ZNF302: variants seen among roughly 807,000 people sequenced by gnomAD.
ZNF302 encodes the protein zinc finger protein 302, also known as zinc finger protein 327.
ZNF302 carries 12 observed loss-of-function variants against 10.8 expected under a neutral mutation model. The observed-to-expected ratio is 1.11, with a 90% CI of 0.71 to 1.79. ZNF302 has a LOEUF of 1.79. Ranked by LOEUF, ZNF302 falls within the 40% of genes most tolerant of loss-of-function variation. The probability of loss-of-function intolerance (pLI) is 0.00; values close to 1 mark genes in which losing one functional copy is unlikely to be tolerated. For synonymous variants in ZNF302, 178 were observed against 157.5 expected (o/e 1.13, Z -0.98); for missense variants, 461 against 471.1 (o/e 0.98, Z 0.20).
chr19:34,679,952 G>A, intron 2 of ZNF302: 1 of 702,934 alleles, frequency 1.4e-6, no homozygotes, highest in East Asian at 2.7e-5. Context: ...GCTTGCACAG[G>A]AGGGGATGTA....
rs1404472717 is a variant in ZNF302 at position 34,686,013 on chromosome 19, A to G, written c.*776A>G. ...GTTCCAAGTGCATCCCTTATTCTAT[A>G]GGAAATAAACTGGAGACAAATCTCA... On this transcript the variant is annotated 3_prime_UTR_variant, in exon 5 of 5. Transcript: ENST00000505242. 6.5e-6 allele frequency: 1 copy of G among 154,930 alleles called. No homozygotes were observed. The allele number at this position is 154,930 out of a possible 1,614,324, so 9.6% of individuals were successfully genotyped here. A position where few individuals can be genotyped will look rare whatever the true frequency, so the allele number is the denominator to read the frequency against.
In ZNF302 at chr19:34,684,734, G is replaced by T; in HGVS notation, c.697G>T (p.Glu233Ter). ...AGGAGAGAAGCCCTATGAATGTCGT[G>T]AATGTGGGAAGACTTTTAGCCATGG... ...HTGEKPYECR[E>*]CGKTFSHGSS... is the part of the protein sequence containing the mutation. Residue 233 changes from glutamate to a stop codon, truncating the protein, a stop_gained, in exon 5 of 5, where the codon GAA becomes TAA. Coordinates refer to ENST00000505242, the MANE Select transcript of ZNF302 (RefSeq NM_001289187.2). LOFTEE classifies it low-confidence loss of function (END_TRUNC). The T allele has an allele frequency of 6.2e-7, 1 of 1,614,046 alleles. No individual in the cohort carries two copies. Among genetic ancestry groups the T allele is most frequent in the East Asian group, 2.2e-5 (1 of 44,878 alleles).
chr19:34,683,888 A>T, intron 4 of ZNF302: 1 of 998,682 alleles, frequency 1.0e-6, no homozygotes, highest in Non-Finnish European at 1.3e-6. Flanking sequence ...AACCTTTCCC[A>T]CATGAATATA....
At chr19:34,679,984 G>A (rs1456518138) in intron 2 of ZNF302, 1 of 700,900 alleles carries the variant, frequency 1.4e-6, no homozygotes, top group Non-Finnish European at 2.6e-6. Context: ...TACATCTTGG[G>A]TGAAGTCTGT....
chr19:34,684,607 C>G lies in ZNF302; in HGVS notation c.570C>G (p.Thr190=). 1 of 1,614,022 alleles carries G rather than the reference C, an allele frequency of 6.2e-7. No homozygotes were observed. Among genetic ancestry groups the G allele is most frequent in the Non-Finnish European group, 8.5e-7 (1 of 1,179,914 alleles). The part of the protein sequence containing the change: ...GAAFNQSKSL[T]LPQTCNREKI... ...CCTTCAACCAGAGCAAATCTCTTACCCTTCCCCAGACTTGTAATAGAGAGA... is the reference window on the plus strand; with the variant it reads ...CCTTCAACCAGAGCAAATCTCTTACGCTTCCCCAGACTTGTAATAGAGAGA... Residue 190 remains threonine (T), a synonymous_variant, in exon 5 of 5, where the codon ACC becomes ACG. Transcript: ENST00000505242.
Position 34,685,311 on chromosome 19 carries a change from A to G in ZNF302, c.*74A>G. The G allele has an allele frequency of 1.2e-6, 2 of 1,613,990 alleles. No individual in the cohort carries two copies. The highest frequency in any genetic ancestry group is 1.7e-6 in the Non-Finnish European group (2 of 1,179,918). On this transcript the variant is annotated 3_prime_UTR_variant, in exon 5 of 5. Transcript: ENST00000505242. ...AGAAATCACATTAGATTGAAACCCTACGAATGCAGTATATGTGGGAAAGCC... is the reference window on the plus strand; with the variant it reads ...AGAAATCACATTAGATTGAAACCCTGCGAATGCAGTATATGTGGGAAAGCC...
intron 2 of ZNF302, chr19:34,682,176 T>G (rs1332551690): frequency 2.0e-5 from 3 of 152,274 alleles, no homozygotes; most frequent in African/African-American, 7.2e-5. Flanking sequence ...ATTAATCCAT[T>G]CATGAGGGCA....
intron 2 of ZNF302, among the ~76,000 whole-genome samples, 184 bp downstream of exon 2, chr19:34,678,997 G>A (rs990790463): frequency 9.2e-5 from 14 of 152,162 alleles, no homozygotes; most frequent in African/African-American, 3.4e-4. Context: ...ATCACCCAGT[G>A]TTCCTCTTTT....
At chr19:34,683,850 TG>T in intron 4 of ZNF302, 1 of 657,216 alleles carries the variant, frequency 1.5e-6, no homozygotes, top group Non-Finnish European at 2.2e-6. Flanking sequence ...AATGGAAGGT[TG>T]GAAAAAAAGG....
In ZNF302 at chr19:34,678,772, G is replaced by A. The variant is rs372036670; in HGVS notation, c.-33G>A. ...ATCTCTAAGATAAGAACCTGGAAAG[G>A]GGACTCTGTTGGCCATTGGAAATTG... On this transcript the variant is annotated 5_prime_UTR_variant, in exon 2 of 5. Transcript: ENST00000505242. 2.5e-6 allele frequency: 4 copies of A among 1,613,740 alleles called. No individual in the cohort carries two copies. The African/African-American group carries it at 4.0e-5, about 16-fold the overall frequency.
chr19:34,682,645 T>A, intron 2 of ZNF302, 132 bp from the exon 3 acceptor site: 1 of 1,362,278 alleles, frequency 7.3e-7, no homozygotes, highest in Admixed American at 2.4e-5. Flanking sequence ...TTACCTGACA[T>A]CACATTCCCA....
intron 2 of ZNF302, among the ~76,000 whole-genome samples, chr19:34,680,721 G>T (rs1459518126): frequency 6.6e-6 from 1 of 152,222 alleles, no homozygotes; most frequent in Non-Finnish European, 1.5e-5. Context: ...AAAGATATGA[G>T]AAATGTTATT....
chr19:34,684,540 ATGG>A lies in ZNF302; in HGVS notation c.507_509del (p.Gly170del). Reference sequence around the variant, plus strand: ...TCAGTTATAAAAAGTGAGAGAATAAATGGTGGAAAGAAACTTTTAAATTCTAAT... The same window carrying A: ...TCAGTTATAAAAAGTGAGAGAATAAATGGAAAGAAACTTTTAAATTCTAAT... On this transcript the variant is annotated inframe_deletion, in exon 5 of 5. Transcript: ENST00000505242. The A allele has an allele frequency of 6.2e-7, 1 of 1,613,550 alleles. No individual in the cohort carries two copies. The highest frequency in any genetic ancestry group is 1.1e-5 in the South Asian group (1 of 90,994).
At chr19:34,683,937 C>A in intron 4 of ZNF302, 1 of 1,258,510 alleles carries the variant, frequency 7.9e-7, no homozygotes, top group South Asian at 2.8e-5. Context: ...ATGCCTTCCA[C>A]ATCTTATTTC....
rs766226910 is a variant in ZNF302 at position 34,684,612 on chromosome 19, C to G, written c.575C>G (p.Pro192Arg). The change falls in exon 5 of 5, where the codon CCC becomes CGC. Residue 192 changes from proline (P) to arginine (R), a missense_variant. Pro to Arg is a moderately radical substitution (Grantham distance 103, BLOSUM62 -2). Coordinates refer to ENST00000505242, the MANE Select transcript of ZNF302 (RefSeq NM_001289187.2). The stretch of plus-strand genomic sequence containing the variant: ...AACCAGAGCAAATCTCTTACCCTTC[C>G]CCAGACTTGTAATAGAGAGAAAATC... ...AFNQSKSLTL[P>R]QTCNREKIYT... 3.1e-6 allele frequency: 5 copies of G among 1,614,016 alleles called. No homozygotes were observed. Among genetic ancestry groups the G allele is most frequent in the Non-Finnish European group, 3.4e-6 (4 of 1,179,932 alleles).
At chr19:34,678,434 A>AAAG (rs2068112762) in intron 1 of ZNF302, among the ~76,000 whole-genome samples, 1 of 151,696 alleles carries the variant, frequency 6.6e-6, no homozygotes, top group Middle Eastern at 3.2e-3. Context: ...TCCGTCTCAA[A>AAAG]AAAAAAAAAA....
chr19:34,683,339 A>T, intron 4 of ZNF302, 101 bp downstream of exon 4: 2 of 1,357,250 alleles, frequency 1.5e-6, no homozygotes, highest in Non-Finnish European at 2.0e-6. Flanking sequence ...GTCTTCAAAG[A>T]TCTCAGATAG....
rs1250425496 is a variant in ZNF302 at position 34,684,610 on chromosome 19, T to C, written c.573T>C (p.Leu191=). ...AAFNQSKSLT[L]PQTCNREKIY... is the part of the protein sequence containing the mutation. ...TCAACCAGAGCAAATCTCTTACCCT[T>C]CCCCAGACTTGTAATAGAGAGAAAA... The change falls in exon 5 of 5, where the codon CTT becomes CTC. Residue 191 remains leucine (L), a synonymous_variant. Coordinates refer to ENST00000505242, the MANE Select transcript of ZNF302 (RefSeq NM_001289187.2). 3 of 1,613,926 alleles carry C rather than the reference T, an allele frequency of 1.9e-6. No homozygotes were observed. The highest frequency in any genetic ancestry group is 2.5e-6 in the Non-Finnish European group (3 of 1,179,942).
rs553974219 is a variant in ZNF302, at chr19:34,684,741, G to T, written c.704G>T (p.Gly235Val). ...AAGCCCTATGAATGTCGTGAATGTG[G>T]GAAGACTTTTAGCCATGGTTCATCC... ...GEKPYECREC[G>V]KTFSHGSSLT... Residue 235 changes from glycine to valine, a missense_variant, in exon 5 of 5, where the codon GGG becomes GTG. Coordinates refer to ENST00000505242, the MANE Select transcript of ZNF302 (RefSeq NM_001289187.2). 9.9e-6 allele frequency: 16 copies of T among 1,614,012 alleles called. No individual in the cohort carries two copies. In the South Asian group the frequency reaches 1.3e-4, roughly 13 times the overall value.
Sources: gnomAD v4.1 joint callset for allele counts (sites outside exome capture counted in the v4.1 genomes callset) on GRCh38, gnomAD v4.1.1 for gene constraint, MANE v1.5 for transcripts, NCBI Gene and HGNC (gene_info 2026-07-23, HGNC 2026-07-21) for gene names.